The following PPP1R42 variants were observed in gnomAD, a reference collection of about 807,000 sequenced individuals.
PPP1R42 encodes the protein leucine rich repeat containing 67.
In PPP1R42, 34 loss-of-function variants were observed where a neutral mutation model predicts 31.0. The ratio of observed to expected loss-of-function variants is 1.10; its 90% CI spans 0.83 to 1.46. The LOEUF is 1.46. Among genes scored for constraint, PPP1R42 ranks in the 40% most tolerant of loss-of-function variants. The pLI, the probability that PPP1R42 is intolerant of heterozygous loss-of-function variation, is 0.00. For missense variants in PPP1R42, 268 were observed against 303.0 expected (o/e 0.88, Z 0.86); for synonymous variants, 103 against 109.8 (o/e 0.94, Z 0.39).
chr8:66,985,113 G>T (rs1458096094), intron 6 of PPP1R42: 7 of 1,219,084 alleles, frequency 5.7e-6, no homozygotes, highest in Non-Finnish European at 8.5e-6. Flanking sequence ...GAGCAATAAG[G>T]GCAAGCCTAG....
At chr8:66,981,380 CTTT>C (rs1175089191) in intron 7 of PPP1R42, among the ~76,000 whole-genome samples, 3 of 136,196 alleles carry the variant, frequency 2.2e-5, no homozygotes, top group East Asian at 2.1e-4. Flanking sequence ...GATTTTTGCA[CTTT>C]TTTTTTTTTT....
intron 6 of PPP1R42, chr8:66,984,615 G>A (rs1814947893): frequency 8.1e-7 from 1 of 1,239,302 alleles, no homozygotes; most frequent in Non-Finnish European, 1.2e-6. Context: ...TGTACCCCCT[G>A]TGAAATGTCT....
At chr8:67,000,306 A>G (rs1175697786) in intron 5 of PPP1R42, among the ~76,000 whole-genome samples, 3 of 151,936 alleles carry the variant, frequency 2.0e-5, no homozygotes, top group Non-Finnish European at 2.9e-5. Context: ...CTTTTCTACT[A>G]TAAGCATTCA....
chr8:67,006,899 C>T (rs1320903493), intron 5 of PPP1R42, among the ~76,000 whole-genome samples: 3 of 151,774 alleles, frequency 2.0e-5, no homozygotes, highest in African/African-American at 2.4e-5. Flanking sequence ...GGCGCCCACA[C>T]ACCCGGCTAA....
At position 67,018,204 on chromosome 8, in the gene PPP1R42, C is replaced by G. The variant is rs1457198010; in HGVS notation, c.-84-373G>C. The stretch of plus-strand genomic sequence containing the variant: ...AATCTCAGCTCACTGCAATCTCCCC[C>G]TCCCAGGTTCAAGCGATTCTCCTGT... On this transcript the variant is annotated intron_variant, in intron 1 of 7. Coordinates refer to ENST00000685739, the MANE Select transcript of PPP1R42 (RefSeq NM_001364910.1). Among the ~76,000 whole-genome samples the G allele has an allele frequency of 2.6e-5, 4 of 151,884 alleles. No homozygotes were observed. In the East Asian group the frequency reaches 7.8e-4, roughly 29 times the overall value.
At chr8:66,968,117 A>G (rs977839467) in intron 7 of PPP1R42, among the ~76,000 whole-genome samples, 19 of 152,166 alleles carry the variant, frequency 1.2e-4, no homozygotes, top group African/African-American at 4.6e-4. Flanking sequence ...TTTGTTCAGA[A>G]TCAGCCTTTA....
intron 5 of PPP1R42, among the ~76,000 whole-genome samples, chr8:67,003,001 C>CA (rs1219485285): frequency 0.051 from 6,529 of 127,630 alleles, 159 homozygotes; most frequent in Non-Finnish European, 0.06. Context: ...ACTAAAAATA[C>CA]AAAAAAAAAA....
intron 7 of PPP1R42, chr8:66,971,279 A>G (rs760381281): frequency 5.5e-6 from 3 of 543,062 alleles, no homozygotes; most frequent in Non-Finnish European, 8.7e-6. Flanking sequence ...TAAAATTAAT[A>G]ACCCGAGGAA....
intron 5 of PPP1R42, among the ~76,000 whole-genome samples, chr8:66,996,029 T>A (rs1298072992): frequency 1.3e-5 from 2 of 152,214 alleles, no homozygotes; most frequent in Non-Finnish European, 2.9e-5. Flanking sequence ...CTAACATTGT[T>A]AATTAATTTT....
At chr8:66,992,807 T>A (rs1247856607) in intron 5 of PPP1R42, among the ~76,000 whole-genome samples, 1 of 152,062 alleles carries the variant, frequency 6.6e-6, no homozygotes, top group Non-Finnish European at 1.5e-5. Context: ...GAAAGAGAGG[T>A]CATCTATTCA....
chr8:66,997,804 A>G (rs2130943392), intron 5 of PPP1R42, among the ~76,000 whole-genome samples: 1 of 152,164 alleles, frequency 6.6e-6, no homozygotes, highest in East Asian at 1.9e-4. Flanking sequence ...CTCCTGCCTC[A>G]TCCTCCCAAA....
At chr8:66,966,124 A>G (rs1814374160) in intron 7 of PPP1R42, among the ~76,000 whole-genome samples, 1 of 152,110 alleles carries the variant, frequency 6.6e-6, no homozygotes, top group Non-Finnish European at 1.5e-5. Context: ...AAATCAGATG[A>G]TTTCATAATC....
chr8:67,006,522 T>C (rs1815682450), intron 5 of PPP1R42, among the ~76,000 whole-genome samples: 1 of 152,090 alleles, frequency 6.6e-6, no homozygotes, highest in Non-Finnish European at 1.5e-5. Flanking sequence ...ACGAAGCTAA[T>C]TGCTAATTTC....
chr8:67,002,429 C>A lies in PPP1R42; in HGVS notation c.552+8286G>T, dbSNP rs971561650. On this transcript the variant is annotated intron_variant, in intron 5 of 7. Coordinates refer to ENST00000685739, the MANE Select transcript of PPP1R42 (RefSeq NM_001364910.1). ...GGCCAGGCTAGTCATCAACTCCTGA[C>A]CTCGAGTCATCCGCCCGCCTTGGCC... is the stretch of plus-strand genomic sequence containing the variant. Among the ~76,000 whole-genome samples the A allele has an allele frequency of 4.6e-5, 7 of 152,276 alleles. No individual in the cohort carries two copies. The South Asian group carries it at 1.5e-3, about 32-fold the overall frequency.
chr8:66,999,637 A>C (rs1815427869), intron 5 of PPP1R42, among the ~76,000 whole-genome samples: 1 of 152,230 alleles, frequency 6.6e-6, no homozygotes, highest in African/African-American at 2.4e-5. Flanking sequence ...GGCATGAGCC[A>C]CTGCACCTGG....
At position 67,017,782 on chromosome 8, in the gene PPP1R42, C is replaced by T; in HGVS notation, c.-35G>A. On this transcript the variant is annotated 5_prime_UTR_variant, in exon 2 of 8. Transcript: ENST00000685739. ...ATAAATCAAACTCTCAGCAAAAGCT[C>T]TGTTTTGACACCATGTCAAGAAGTA... 2 of 1,545,306 alleles carry T rather than the reference C, an allele frequency of 1.3e-6. No individual in the cohort carries two copies. The highest frequency in any genetic ancestry group is 2.3e-5 in the East Asian group (1 of 42,624).
intron 5 of PPP1R42, among the ~76,000 whole-genome samples, chr8:67,003,286 A>T (rs1815562116): frequency 1.4e-5 from 2 of 147,390 alleles, no homozygotes; most frequent in East Asian, 4.0e-4. Context: ...GTATATTTAT[A>T]ATTTTTTTTT....
At chr8:67,022,151 T>C (rs2129537185) in intron 1 of PPP1R42, among the ~76,000 whole-genome samples, 1 of 152,352 alleles carries the variant, frequency 6.6e-6, no homozygotes, top group East Asian at 1.9e-4. Flanking sequence ...CCCACTGCTC[T>C]GCACCATTGT....
intron 4 of PPP1R42, among the ~76,000 whole-genome samples, chr8:67,012,097 G>A (rs928935299): frequency 7.2e-5 from 11 of 152,044 alleles, no homozygotes; most frequent in East Asian, 5.8e-4. Flanking sequence ...TTAGCCAGGC[G>A]TGGTGGCGCA....
Sources: allele counts gnomAD v4.1 joint callset (sites outside exome capture counted in the v4.1 genomes callset), GRCh38; gene constraint gnomAD v4.1.1; transcripts MANE v1.5; gene names NCBI Gene and HGNC (gene_info 2026-07-23, HGNC 2026-07-21).